Variants in MARCHF11 observed in about 807,000 individuals in gnomAD.
MARCHF11 encodes E3 ubiquitin-protein ligase MARCHF11.
MARCHF11 carries 29 observed loss-of-function variants against 37.3 expected under a neutral mutation model. That is an observed-to-expected ratio of 0.78 (90% CI 0.58 to 1.06). The LOEUF is 1.06. Ranked by LOEUF, MARCHF11 falls within the 50% of genes least tolerant of loss-of-function variation. MARCHF11 has a pLI of 0.00. For synonymous variants in MARCHF11, 233 were observed against 228.0 expected, an observed-to-expected ratio of 1.02 and a Z score of -0.20; for missense variants, 482 against 533.4, an observed-to-expected ratio of 0.90 and a Z score of 0.95.
intron 2 of MARCHF11, among the ~76,000 whole-genome samples, chr5:16,095,261 C>T (rs1263462903): frequency 6.6e-6 from 1 of 152,108 alleles, no homozygotes; most frequent in South Asian, 2.1e-4. Context: ...AGTAATTCCC[C>T]GGGGTTCATT....
At chr5:16,109,570 T>C (rs776412323) in intron 2 of MARCHF11, among the ~76,000 whole-genome samples, 8 of 152,186 alleles carry the variant, frequency 5.3e-5, no homozygotes, top group Non-Finnish European at 1.0e-4. Flanking sequence ...CTGAGTCGTA[T>C]CCTCTATAGC....
intron 2 of MARCHF11, among the ~76,000 whole-genome samples, chr5:16,136,987 TAAC>T: frequency 6.6e-6 from 1 of 152,022 alleles, no homozygotes; most frequent in Non-Finnish European, 1.5e-5. Context: ...CCTTTCTAAA[TAAC>T]AATAAAAAAT....
At position 16,168,753 on chromosome 5, in the gene MARCHF11, G is replaced by A. The variant is rs188227338; in HGVS notation, c.693+8973C>T. ...GAGAGTCAGATGATGATAGAAAAAG[G>A]AAGAAAGAGATGGAAGAAGGATAAG... is the stretch of plus-strand genomic sequence containing the variant. On this transcript the variant is annotated intron_variant, in intron 2 of 3. Coordinates refer to ENST00000332432, the MANE Select transcript of MARCHF11 (RefSeq NM_001102562.3). Among the ~76,000 whole-genome samples, 521 of 152,116 alleles carry A rather than the reference G, an allele frequency of 3.4e-3. 2 individuals carry two copies. Among genetic ancestry groups the A allele is most frequent in the Middle Eastern group, 0.01 (3 of 294 alleles).
intron 2 of MARCHF11, among the ~76,000 whole-genome samples, chr5:16,124,750 C>T (rs988530687): frequency 7.1e-6 from 1 of 141,666 alleles, no homozygotes; most frequent in Non-Finnish European, 1.6e-5. Flanking sequence ...GTGATACCTA[C>T]AGAGAGAATT....
At chr5:16,158,082 G>A (rs1738007183) in intron 2 of MARCHF11, among the ~76,000 whole-genome samples, 1 of 151,826 alleles carries the variant, frequency 6.6e-6, no homozygotes, top group Admixed American at 6.6e-5. Flanking sequence ...AAAATGCCCA[G>A]CATTACTAAT....
In MARCHF11 at chr5:16,085,891, G is replaced by C. The variant is rs561269883; in HGVS notation, c.886+4998C>G. On this transcript the variant is annotated intron_variant, in intron 3 of 3. Coordinates refer to ENST00000332432, the MANE Select transcript of MARCHF11 (RefSeq NM_001102562.3). ...GGAGGTGGAGCTTGCAGTGAGCCGAGATCGTGCCACTGCACTCTGGCCTGG... is the reference window on the plus strand; with the variant it reads ...GGAGGTGGAGCTTGCAGTGAGCCGACATCGTGCCACTGCACTCTGGCCTGG... Among the ~76,000 whole-genome samples the C allele has an allele frequency of 1.5e-4, 19 of 123,346 alleles. No individual in the cohort carries two copies. The South Asian group carries it at 5.0e-3, about 32-fold the overall frequency. The allele number at this position is 123,346 out of a possible 152,430, so 80.9% of individuals were successfully genotyped here. A position where few individuals can be genotyped will look rare whatever the true frequency, so the allele number is the denominator to read the frequency against.
chr5:16,117,157 T>C (rs1430894607), intron 2 of MARCHF11, among the ~76,000 whole-genome samples: 24 of 152,184 alleles, frequency 1.6e-4, no homozygotes, highest in Admixed American at 1.6e-3. Context: ...AGTAGCTCTA[T>C]CTGAGAAGAA....
intron 2 of MARCHF11, among the ~76,000 whole-genome samples, chr5:16,133,490 C>T (rs1737554122): frequency 6.6e-6 from 1 of 152,098 alleles, no homozygotes; most frequent in Non-Finnish European, 1.5e-5. Flanking sequence ...ACCAAAAGAC[C>T]ACATAGATAC....
intron 3 of MARCHF11, among the ~76,000 whole-genome samples, chr5:16,083,460 C>A (rs1170852928): frequency 2.0e-5 from 3 of 152,144 alleles, no homozygotes; most frequent in African/African-American, 7.2e-5. Context: ...CGACAACAAT[C>A]CAAAGGCCTT....
intron 2 of MARCHF11, 61 bp from the exon 3 acceptor site, chr5:16,091,142 A>AT: frequency 7.5e-7 from 1 of 1,327,082 alleles, no homozygotes; most frequent in East Asian, 2.6e-5. Context: ...AGAAAAAAAA[A>AT]CATTTTCAGT....
intron 2 of MARCHF11, among the ~76,000 whole-genome samples, chr5:16,152,901 T>TA (rs1202794455): frequency 6.6e-6 from 1 of 151,958 alleles, no homozygotes; most frequent in Non-Finnish European, 1.5e-5. Flanking sequence ...TATGATAACT[T>TA]AAATGGTATA....
At chr5:16,091,966 C>T (rs145331094) in intron 2 of MARCHF11, among the ~76,000 whole-genome samples, 1 of 152,136 alleles carries the variant, frequency 6.6e-6, no homozygotes, top group African/African-American at 2.4e-5. Flanking sequence ...CAAAACAACC[C>T]GCATAATTTA....
intron 1 of MARCHF11, among the ~76,000 whole-genome samples, chr5:16,178,197 G>A (rs1560997466): frequency 6.6e-6 from 1 of 152,214 alleles, no homozygotes; most frequent in Admixed American, 6.5e-5. Flanking sequence ...ATGGTCAGAT[G>A]CATTTCCTCT....
chr5:16,128,250 G>A (rs1737450124), intron 2 of MARCHF11, among the ~76,000 whole-genome samples: 1 of 152,146 alleles, frequency 6.6e-6, no homozygotes, highest in East Asian at 1.9e-4. Flanking sequence ...TCCCTACTCT[G>A]ACTCAAGGCT....
chr5:16,089,587 G>T (rs1736758556), intron 3 of MARCHF11, among the ~76,000 whole-genome samples: 1 of 139,202 alleles, frequency 7.2e-6, no homozygotes, highest in Admixed American at 7.7e-5. Context: ...AGTGAGAAAG[G>T]AGGAAAGAAA....
chr5:16,122,424 A>G (rs1227315158), intron 2 of MARCHF11, among the ~76,000 whole-genome samples: 2 of 152,176 alleles, frequency 1.3e-5, no homozygotes, highest in African/African-American at 4.8e-5. Flanking sequence ...TGCTCATCAC[A>G]TGTGTGGTCT....
chr5:16,101,189 C>A lies in MARCHF11; in HGVS notation c.694-10108G>T, dbSNP rs1344731858. On this transcript the variant is annotated intron_variant, in intron 2 of 3. Coordinates refer to ENST00000332432, the MANE Select transcript of MARCHF11 (RefSeq NM_001102562.3). ...GACTGTTGTAGATTTTCATATTTGT[C>A]AGCAGCTTATTAGTCCAGATTTAAC... Among the ~76,000 whole-genome samples the A allele has an allele frequency of 2.0e-5, 3 of 152,194 alleles. No homozygotes were observed. In the East Asian group the frequency reaches 5.8e-4, roughly 29 times the overall value.
rs56782867 is a variant in MARCHF11, at chr5:16,085,939, C to CAAAAAAAAA, written c.886+4941_886+4949dup. Among the ~76,000 whole-genome samples the CAAAAAAAAA allele has an allele frequency of 6.8e-4, 28 of 40,974 alleles. 5 individuals carry two copies. The highest frequency in any genetic ancestry group is 7.9e-4 in the Non-Finnish European group (17 of 21,444). 26.9% of individuals were successfully genotyped at this position (40,974 alleles called of 152,430 possible). ...TGGGCGAAAGAGCAAGACTCCATCT[C>CAAAAAAAAA]AAAAAAAAAAAAAAAAAAAAAAAAA... On this transcript the variant is annotated intron_variant, in intron 3 of 3. Coordinates refer to ENST00000332432, the MANE Select transcript of MARCHF11 (RefSeq NM_001102562.3).
At chr5:16,161,410 T>C (rs1200563074) in intron 2 of MARCHF11, among the ~76,000 whole-genome samples, 1 of 151,808 alleles carries the variant, frequency 6.6e-6, no homozygotes, top group African/African-American at 2.4e-5. Flanking sequence ...AATAACCCAC[T>C]TATGCTTACG....
Sources: gnomAD v4.1 joint callset for allele counts (sites outside exome capture counted in the v4.1 genomes callset) on GRCh38, gnomAD v4.1.1 for gene constraint, MANE v1.5 for transcripts, NCBI Gene and HGNC (gene_info 2026-07-23, HGNC 2026-07-21) for gene names.